Variants in LPAR3 observed in about 807,000 individuals in gnomAD.
LPAR3 encodes lysophosphatidic acid receptor 3.
In LPAR3, 7 loss-of-function variants were observed where a neutral mutation model predicts 17.8. The ratio of observed to expected loss-of-function variants is 0.39; its 90% CI spans 0.22 to 0.74. LPAR3 has a LOEUF of 0.74. Among genes scored for constraint, LPAR3 ranks in the 30% least tolerant of loss-of-function variants. LPAR3 has a pLI of 0.40. For synonymous variants in LPAR3, 179 were observed against 179.9 expected (o/e 0.99, Z 0.04); for missense variants, 391 against 453.4 (o/e 0.86, Z 1.25).
intron 2 of LPAR3, among the ~76,000 whole-genome samples, chr1:84,836,006 CTTTTTT>C (rs34491570): frequency 4.9e-5 from 3 of 61,742 alleles, no homozygotes; most frequent in African/African-American, 6.6e-5. Context: ...CAACCCCGGC[CTTTTTT>C]TTTTTTTTTT....
Position 84,865,576 on chromosome 1 carries a change from A to G in LPAR3, c.545T>C (p.Ile182Thr), listed in dbSNP as rs756812193. ...GAAAACAAGGTAACTCCTGCTGTAAATGGGGGCCAGGGAAGAGCAGGCAGA... is the reference window on the plus strand; with the variant it reads ...GAAAACAAGGTAACTCCTGCTGTAAGTGGGGGCCAGGGAAGAGCAGGCAGA... ...NISACSSLAP[I>T]YSRSYLVFWT... Residue 182 changes from isoleucine (I) to threonine (T), a missense_variant, in exon 2 of 3, where the codon ATT (isoleucine) becomes ACT (threonine). Physicochemically the swap from Ile to Thr is moderately conservative, Grantham distance 89. Coordinates refer to ENST00000370611, the MANE Select transcript of LPAR3 (RefSeq NM_012152.3). 1.9e-6 allele frequency: 3 copies of G among 1,614,222 alleles called. No individual in the cohort carries two copies. The highest frequency in any genetic ancestry group is 2.5e-6 in the Non-Finnish European group (3 of 1,180,040).
At chr1:84,835,597 C>G (rs2102751773) in intron 2 of LPAR3, among the ~76,000 whole-genome samples, 1 of 152,276 alleles carries the variant, frequency 6.6e-6, no homozygotes, top group East Asian at 1.9e-4. Flanking sequence ...CCTACTTAAC[C>G]TATTAGCTAT....
chr1:84,853,154 G>A (rs186771934), intron 2 of LPAR3, among the ~76,000 whole-genome samples: 3 of 151,834 alleles, frequency 2.0e-5, no homozygotes, highest in African/African-American at 4.8e-5. Context: ...TGAAGGGAGG[G>A]AGAGACAGAG....
chr1:84,816,484 A>G (rs1658934279), intron 2 of LPAR3, among the ~76,000 whole-genome samples: 1 of 152,164 alleles, frequency 6.6e-6, no homozygotes, highest in South Asian at 2.1e-4. Flanking sequence ...CAACTGCTGA[A>G]CAATGGTTTC....
chr1:84,828,303 G>A (rs563453190), intron 2 of LPAR3, among the ~76,000 whole-genome samples: 1 of 152,196 alleles, frequency 6.6e-6, no homozygotes, highest in South Asian at 2.1e-4. Flanking sequence ...AATTCGAATG[G>A]CAATCATTTA....
intron 2 of LPAR3, among the ~76,000 whole-genome samples, chr1:84,841,279 G>T (rs1395186237): frequency 6.6e-6 from 1 of 152,156 alleles, no homozygotes; most frequent in Non-Finnish European, 1.5e-5. Context: ...TACTTAAGAG[G>T]TTTACAAGGA....
At chr1:84,857,093 T>C (rs1246168068) in intron 2 of LPAR3, among the ~76,000 whole-genome samples, 2 of 152,162 alleles carry the variant, frequency 1.3e-5, no homozygotes, top group African/African-American at 4.8e-5. Flanking sequence ...CCCGGTCAGC[T>C]TCCTCTTGGC....
rs1660582785 is a variant in LPAR3 at position 84,893,068 on chromosome 1, C to T, written c.-71G>A. 6.6e-6 allele frequency: 1 copy of T among 152,020 alleles called. No individual in the cohort carries two copies. The highest frequency in any genetic ancestry group is 1.5e-5 in the Non-Finnish European group (1 of 67,994). The allele number at this position is 152,020 out of a possible 1,614,324, so 9.4% of individuals were successfully genotyped here. ...CCGGGAGCGGGGGCCCCTGCGGCTG[C>T]CGCATGCCCTCGGGGTCGAGCGCGA... is the stretch of plus-strand genomic sequence containing the variant. On this transcript the variant is annotated 5_prime_UTR_variant, in exon 1 of 3. Transcript: ENST00000370611.
chr1:84,845,536 G>A (rs557760776), intron 2 of LPAR3, among the ~76,000 whole-genome samples: 1 of 152,174 alleles, frequency 6.6e-6, no homozygotes, highest in African/African-American at 2.4e-5. Flanking sequence ...TTATAGTCAG[G>A]AGCAGTAATA....
At chr1:84,830,668 T>C (rs936289784) in intron 2 of LPAR3, among the ~76,000 whole-genome samples, 6 of 152,126 alleles carry the variant, frequency 3.9e-5, no homozygotes, top group East Asian at 3.9e-4. Flanking sequence ...AGACGCTTAG[T>C]AGGTGTTCAA....
chr1:84,839,681 G>A lies in LPAR3; in HGVS notation c.737-25510C>T, dbSNP rs957842100. Among the ~76,000 whole-genome samples, 16 of 149,528 alleles carry A rather than the reference G, an allele frequency of 1.1e-4. No individual in the cohort carries two copies. The East Asian group carries it at 1.2e-3, about 11-fold the overall frequency. Reference sequence around the variant, plus strand: ...ACCCTGTCTCTAAATAAATAAATACGTAAAATAAAATAAAATAAAATAAAT... The same window carrying A: ...ACCCTGTCTCTAAATAAATAAATACATAAAATAAAATAAAATAAAATAAAT... On this transcript the variant is annotated intron_variant, in intron 2 of 2. Transcript: ENST00000370611.
chr1:84,879,504 G>C (rs1660324040), intron 1 of LPAR3, among the ~76,000 whole-genome samples: 2 of 151,384 alleles, frequency 1.3e-5, no homozygotes, highest in African/African-American at 4.9e-5. Context: ...GTAGAGACAG[G>C]GTTTCACCGT....
intron 2 of LPAR3, among the ~76,000 whole-genome samples, chr1:84,821,646 C>T (rs1232225624): frequency 1.3e-5 from 2 of 152,054 alleles, no homozygotes; most frequent in East Asian, 1.9e-4. Context: ...AATGCTTTTG[C>T]GTGGTAAAAT....
At chr1:84,842,414 C>T (rs1659520251) in intron 2 of LPAR3, among the ~76,000 whole-genome samples, 1 of 152,164 alleles carries the variant, frequency 6.6e-6, no homozygotes, top group Non-Finnish European at 1.5e-5. Context: ...TGAAACAAAC[C>T]TATAACGTAT....
chr1:84,890,312 A>G (rs1414232675), intron 1 of LPAR3, among the ~76,000 whole-genome samples: 1 of 152,244 alleles, frequency 6.6e-6, no homozygotes, highest in Non-Finnish European at 1.5e-5. Context: ...AGGCTTAGAA[A>G]TCTTTGCACT....
chr1:84,837,838 T>A (rs979883452), intron 2 of LPAR3, among the ~76,000 whole-genome samples: 3 of 152,214 alleles, frequency 2.0e-5, no homozygotes, highest in Admixed American at 2.0e-4. Flanking sequence ...AAGAAATGTA[T>A]GTTCCTATTT....
intron 2 of LPAR3, among the ~76,000 whole-genome samples, chr1:84,851,769 G>A (rs75477436): frequency 0.032 from 4,816 of 152,304 alleles, 117 homozygotes; most frequent in Non-Finnish European, 0.051. Flanking sequence ...GGCTGTGTGA[G>A]GGGAGTGCAT....
At position 84,865,684 on chromosome 1, in the gene LPAR3, G is replaced by A. The variant is rs780714661; in HGVS notation, c.437C>T (p.Thr146Ile). The change falls in exon 2 of 3, where the codon ACA (threonine) becomes ATA (isoleucine). Residue 146 changes from threonine to isoleucine, a missense_variant. Transcript: ENST00000370611. Reference protein sequence around the residue: ...VHSNLTKKRVTLLILLVWAIA... With the variant: ...VHSNLTKKRVILLILLVWAIA... ...GGCCCAGACAAGCAAAATGAGCAGT[G>A]TCACCCTCTTTTTGGTCAGGTTGCT... 3 of 1,614,194 alleles carry A rather than the reference G, an allele frequency of 1.9e-6. No homozygotes were observed. The highest frequency in any genetic ancestry group is 2.2e-5 in the East Asian group (1 of 44,886).
intron 1 of LPAR3, among the ~76,000 whole-genome samples, chr1:84,886,188 T>C (rs1660458833): frequency 6.6e-6 from 1 of 152,208 alleles, no homozygotes; most frequent in Non-Finnish European, 1.5e-5. Flanking sequence ...ATCTTCTGTT[T>C]TTCCCTGTTT....
Sources: gnomAD v4.1 joint callset for allele counts (sites outside exome capture counted in the v4.1 genomes callset) on GRCh38, gnomAD v4.1.1 for gene constraint, MANE v1.5 for transcripts, NCBI Gene and HGNC (gene_info 2026-07-23, HGNC 2026-07-21) for gene names.